The following BLTP1 variants were observed in gnomAD, a reference collection of about 807,000 sequenced individuals.
BLTP1 encodes fragile site-associated protein.
chr4:122,209,731 A>G, the BLTP1 span: 447,026 of 1,480,036 alleles, frequency 0.3, 71,725 homozygotes, highest in South Asian at 0.48. Flanking sequence ...AAAAATAATA[A>G]TAAAATTTGA....
chr4:122,349,853 C>T, the BLTP1 span: 6 of 1,613,312 alleles, frequency 3.7e-6, no homozygotes, highest in African/African-American at 1.3e-5. This position sits in a 1 kb window ranked among gnomAD's most constrained non-coding sequence, Gnocchi z 4.5. Context: ...GTTTTATGCT[C>T]TAGTGAGATT....
chr4:122,360,915 A>G, the BLTP1 span, among the ~76,000 whole-genome samples: 11 of 152,330 alleles, frequency 7.2e-5, no homozygotes, highest in East Asian at 1.7e-3. Context: ...AAGAGTATCT[A>G]GTTAAGTAAT....
chr4:122,261,445 TG>T, the BLTP1 span: 2 of 984,982 alleles, frequency 2.0e-6, no homozygotes, highest in African/African-American at 3.5e-5. Context: ...CTTTTTTGCC[TG>T]TGTAGTCTTT....
At chr4:122,244,822 G>A in the BLTP1 span, 1 of 386,500 alleles carries the variant, frequency 2.6e-6, no homozygotes. Context: ...ATCTTGGGGT[G>A]AAGGTGGTGA....
chr4:122,286,719 T>C, the BLTP1 span: 1 of 1,613,936 alleles, frequency 6.2e-7, no homozygotes, highest in Non-Finnish European at 8.5e-7. Flanking sequence ...AGGTGTGGAG[T>C]ATAGATGAAC....
the BLTP1 span, among the ~76,000 whole-genome samples, chr4:122,158,909 C>A: frequency 6.6e-6 from 1 of 152,082 alleles, no homozygotes; most frequent in Non-Finnish European, 1.5e-5. Flanking sequence ...ATTCAGAGTT[C>A]TTCGATATAT....
chr4:122,333,700 A>G, the BLTP1 span: 1 of 1,612,234 alleles, frequency 6.2e-7, no homozygotes, highest in East Asian at 2.2e-5. Flanking sequence ...CAAACTAATT[A>G]TGCTTCTACC....
chr4:122,315,315 A>G, the BLTP1 span: 1 of 1,072,732 alleles, frequency 9.3e-7, no homozygotes, highest in Non-Finnish European at 1.3e-6. Context: ...CTGTACACAT[A>G]GAGAAATCAA....
At chr4:122,252,819 A>G in the BLTP1 span, among the ~76,000 whole-genome samples, 1 of 152,124 alleles carries the variant, frequency 6.6e-6, no homozygotes, top group Non-Finnish European at 1.5e-5. Context: ...GGCAGAAGCC[A>G]GGTAGTGGTT....
the BLTP1 span, among the ~76,000 whole-genome samples, chr4:122,334,835 A>T: frequency 9.9e-5 from 15 of 152,178 alleles, no homozygotes; most frequent in South Asian, 3.1e-3. Flanking sequence ...ATGTAGCTCA[A>T]ATTTGGGAGC....
the BLTP1 span, among the ~76,000 whole-genome samples, chr4:122,253,345 G>T: frequency 6.6e-6 from 1 of 152,172 alleles, no homozygotes; most frequent in East Asian, 1.9e-4. Context: ...AGAAGCAGAT[G>T]TGTGACCTTT....
At chr4:122,187,876 T>C in the BLTP1 span, 12 of 1,562,962 alleles carry the variant, frequency 7.7e-6, no homozygotes, top group African/African-American at 1.7e-4. Flanking sequence ...CTCTTATCTG[T>C]TTATTTTTTT....
chr4:122,352,872 T>C, the BLTP1 span: 1 of 1,610,234 alleles, frequency 6.2e-7, no homozygotes. Flanking sequence ...CATTAGGCAC[T>C]TCAGGATATG....
chr4:122,254,517 T>G, the BLTP1 span: 1 of 938,798 alleles, frequency 1.1e-6, no homozygotes, highest in African/African-American at 1.8e-5. Flanking sequence ...TCTTACCTTG[T>G]TTGACCCAAT....
the BLTP1 span, among the ~76,000 whole-genome samples, chr4:122,273,880 A>G: frequency 6.6e-6 from 1 of 152,076 alleles, no homozygotes; most frequent in Non-Finnish European, 1.5e-5. Flanking sequence ...TGAAAAAAGT[A>G]GGCAAAATTG....
the BLTP1 span, among the ~76,000 whole-genome samples, chr4:122,243,646 G>A: frequency 6.6e-6 from 1 of 152,052 alleles, no homozygotes; most frequent in East Asian, 1.9e-4. Context: ...CTACTTGGGA[G>A]GAGGAGGTTG....
the BLTP1 span, chr4:122,277,579 T>TATC: frequency 3.7e-5 from 35 of 953,560 alleles, no homozygotes; most frequent in South Asian, 1.6e-3. Context: ...AGAAAGATCG[T>TATC]ATCTTTGCTT....
chr4:122,281,659 G>A, the BLTP1 span: 5 of 1,613,342 alleles, frequency 3.1e-6, no homozygotes, highest in East Asian at 2.2e-5. Context: ...TAGAAAAGAA[G>A]CCTATTGTTC....
chr4:122,326,060 T>C, the BLTP1 span: 2 of 205,852 alleles, frequency 9.7e-6, no homozygotes, highest in Non-Finnish European at 2.2e-5. Flanking sequence ...TGTTTGAATC[T>C]CATAACCTCT....
Sources: allele counts gnomAD v4.1 joint callset (sites outside exome capture counted in the v4.1 genomes callset), GRCh38; gene constraint gnomAD v4.1.1; non-coding constraint Gnocchi (gnomAD v3.1); transcripts MANE v1.5; gene names NCBI Gene and HGNC (gene_info 2026-07-23, HGNC 2026-07-21).